Variants in PCM1 observed in about 807,000 individuals in gnomAD.
PCM1 encodes the protein pericentriolar material 1.
Under a neutral mutation model 241.9 loss-of-function variants are expected in PCM1, and 157 were observed. The observed-to-expected ratio is 0.65, with a 90% CI of 0.57 to 0.74. The LOEUF (loss-of-function observed/expected upper bound fraction) is 0.74, where lower values mean the gene tolerates loss of function less well. PCM1 is among the 30% of genes least tolerant of loss of function. The probability of loss-of-function intolerance (pLI) is 0.00; values close to 1 mark genes in which losing one functional copy is unlikely to be tolerated. For synonymous variants in PCM1, 1,085 were observed against 784.9 expected (o/e 1.38, Z -6.39); for missense variants, 3,478 against 2,360.1 (o/e 1.47, Z -9.81).
At chr8:17,988,676 A>G (rs947291048) in intron 26 of PCM1, among the ~76,000 whole-genome samples, 2 of 151,966 alleles carry the variant, frequency 1.3e-5, no homozygotes, top group Non-Finnish European at 2.9e-5. Context: ...TTGTAAGACA[A>G]CTCAGTAAAA....
At chr8:18,002,072 T>TTC (rs2089787791) in intron 29 of PCM1, among the ~76,000 whole-genome samples, 1 of 69,080 alleles carries the variant, frequency 1.4e-5, no homozygotes, top group Non-Finnish European at 2.4e-5. Flanking sequence ...TTCTTTTTTT[T>TTC]TTTTTCTTTT....
intron 35 of PCM1, 114 bp from the exon 36 acceptor site, chr8:18,014,470 T>G (rs574103337): frequency 8.8e-6 from 7 of 795,858 alleles, no homozygotes; most frequent in East Asian, 6.1e-5. Context: ...CCTTTTCTTT[T>G]TGGTCTTAAA....
At chr8:18,022,474 T>C (rs897453348) in intron 36 of PCM1, among the ~76,000 whole-genome samples, 1 of 152,150 alleles carries the variant, frequency 6.6e-6, no homozygotes, top group African/African-American at 2.4e-5. Context: ...AATACCGAAA[T>C]CTACTCCCAC....
chr8:18,027,369 T>C (rs1588906691), intron 38 of PCM1, among the ~76,000 whole-genome samples: 1 of 152,190 alleles, frequency 6.6e-6, no homozygotes, highest in Admixed American at 6.5e-5. Context: ...TTGGTGTAGA[T>C]TTATTCTATT....
chr8:17,974,676 C>T (rs1322927064), intron 23 of PCM1, among the ~76,000 whole-genome samples: 4 of 152,136 alleles, frequency 2.6e-5, no homozygotes, highest in Non-Finnish European at 4.4e-5. Context: ...CCTTTATTCT[C>T]GGGAATTACT....
chr8:18,024,558 C>G (rs2094015838), intron 36 of PCM1, among the ~76,000 whole-genome samples: 1 of 152,090 alleles, frequency 6.6e-6, no homozygotes, highest in African/African-American at 2.4e-5. Context: ...TGATCATTGT[C>G]TAGTTGCCAT....
intron 16 of PCM1, among the ~76,000 whole-genome samples, chr8:17,962,701 C>G (rs1009373827): frequency 2.6e-5 from 4 of 151,956 alleles, no homozygotes; most frequent in African/African-American, 4.8e-5. Flanking sequence ...GTATTCAAGA[C>G]CAGCCTGGTC....
At position 17,937,249 on chromosome 8, in the gene PCM1, G is replaced by C. The variant is rs553271966; in HGVS notation, c.212G>C (p.Gly71Ala). 2 of 1,611,322 alleles carry C rather than the reference G, an allele frequency of 1.2e-6. No individual in the cohort carries two copies. The highest frequency in any genetic ancestry group is 2.2e-5 in the South Asian group (2 of 90,620). Residue 71 changes from glycine to alanine, a missense_variant, in exon 4 of 39, where the codon GGA (glycine) becomes GCA (alanine). Coordinates refer to ENST00000325083, the MANE Select transcript of PCM1 (RefSeq NM_006197.4). ...TNDISPESSP[G>A]VGRRRTKTPH... ...GATATTTCTCCGGAGTCGTCACCAG[G>C]AGTTGGAAGGCGAAGAACAAAGACT...
Position 17,937,289 on chromosome 8 carries a change from A to G in PCM1, c.252A>G (p.Pro84=). 2 of 1,610,492 alleles carry G rather than the reference A, an allele frequency of 1.2e-6. No homozygotes were observed. Among genetic ancestry groups the G allele is most frequent in the South Asian group, 1.1e-5 (1 of 90,586 alleles). ...GAACAAAGACTCCACATACGTTCCC[A>G]CACAGTAGATACATGAGTCAGATGT... ...RRRTKTPHTF[P]HSRYMSQMSV... The change falls in exon 4 of 39, where the codon CCA becomes CCG. Residue 84 remains proline (P), a synonymous_variant. Coordinates refer to ENST00000325083, the MANE Select transcript of PCM1 (RefSeq NM_006197.4).
chr8:18,023,619 A>T (rs1472565173), intron 36 of PCM1, among the ~76,000 whole-genome samples: 1 of 152,048 alleles, frequency 6.6e-6, no homozygotes, highest in East Asian at 1.9e-4. Flanking sequence ...ATAAATCAGA[A>T]TTTTTTTTAT....
intron 24 of PCM1, among the ~76,000 whole-genome samples, chr8:17,982,874 A>T (rs993755961): frequency 5.3e-5 from 8 of 152,112 alleles, no homozygotes; most frequent in Non-Finnish European, 1.2e-4. Context: ...TTGTAACTGT[A>T]CTCATAACAT....
rs1482525860 is a variant in PCM1 at position 17,989,970 on chromosome 8, G to C, written c.4522G>C (p.Asp1508His). ...ATCAAATTTTGAGCCTTTTGCAACA[G>C]ATGATCTAGGTAAGCAGAATTGTTT... The part of the protein sequence containing the change: ...VSSNFEPFAT[D>H]DLGNTVIHLD... The change falls in exon 27 of 39, where the codon GAT becomes CAT. Residue 1508 changes from aspartate to histidine, a missense_variant. Transcript: ENST00000325083. 2.0e-6 allele frequency: 3 copies of C among 1,532,730 alleles called. No individual in the cohort carries two copies. The Admixed American group carries it at 6.2e-5, about 32-fold the overall frequency. The allele number at this position is 1,532,730 out of a possible 1,614,324, so 94.9% of individuals were successfully genotyped here. A position where few individuals can be genotyped will look rare whatever the true frequency, so the allele number is the denominator to read the frequency against.
chr8:18,019,064 T>G (rs62498202), intron 36 of PCM1, among the ~76,000 whole-genome samples: 69,853 of 151,184 alleles, frequency 0.46, 17,676 homozygotes, highest in Middle Eastern at 0.59. Context: ...CAGTGTAATC[T>G]TTCTTTCCTC....
At chr8:17,966,590 T>C (rs2129469740) in intron 20 of PCM1, 117 bp downstream of exon 20, 2 of 807,806 alleles carry the variant, frequency 2.5e-6, no homozygotes, top group East Asian at 5.3e-5. Context: ...ACATTCTCTT[T>C]CCCTTGAGAA....
Position 17,948,858 on chromosome 8 carries a change from T to A in PCM1, c.961+1495T>A, listed in dbSNP as rs528282759. Among the ~76,000 whole-genome samples, 10 of 152,350 alleles carry A rather than the reference T, an allele frequency of 6.6e-5. No individual in the cohort carries two copies. In the South Asian group the frequency reaches 1.2e-3, roughly 19 times the overall value. On this transcript the variant is annotated intron_variant, in intron 7 of 38. Coordinates refer to ENST00000325083, the MANE Select transcript of PCM1 (RefSeq NM_006197.4). ...AGATTTAAAAGCTTTCCTTTGGTAG[T>A]TAATATTAATCTCTAAACTTGCATA... is the stretch of plus-strand genomic sequence containing the variant.
At chr8:18,003,641 A>G (rs1209672836) in intron 29 of PCM1, among the ~76,000 whole-genome samples, 1 of 152,144 alleles carries the variant, frequency 6.6e-6, no homozygotes, top group African/African-American at 2.4e-5. Flanking sequence ...ATAGTATCTC[A>G]TAGTACCTAC....
intron 6 of PCM1, among the ~76,000 whole-genome samples, chr8:17,943,783 G>C (rs947375436): frequency 2.0e-5 from 3 of 152,022 alleles, no homozygotes; most frequent in Non-Finnish European, 2.9e-5. Context: ...TGCAGGAACT[G>C]TCATTCTTAC....
intron 17 of PCM1, 134 bp downstream of exon 17, chr8:17,963,425 A>T: frequency 1.7e-6 from 1 of 573,200 alleles, no homozygotes; most frequent in Non-Finnish European, 3.0e-6. Context: ...TTTAACTACC[A>T]CCTTTGTGAC....
chr8:17,972,204 CATTTTT>C lies in PCM1; in HGVS notation c.3585-122_3585-117del. The C allele has an allele frequency of 9.8e-6, 5 of 511,504 alleles. No homozygotes were observed. The South Asian group carries it at 2.8e-4, about 28-fold the overall frequency. The allele number at this position is 511,504 out of a possible 1,614,324, so 31.7% of individuals were successfully genotyped here. On this transcript the variant is annotated intron_variant, in intron 22 of 38. Coordinates refer to ENST00000325083, the MANE Select transcript of PCM1 (RefSeq NM_006197.4). ...TATTTAATGTGTATTTTTGTGAAAA[CATTTTT>C]ATAGCCTGTTGACAATTTTATTCAC...
Sources: gnomAD v4.1 joint callset for allele counts (sites outside exome capture counted in the v4.1 genomes callset) on GRCh38, gnomAD v4.1.1 for gene constraint, MANE v1.5 for transcripts, NCBI Gene and HGNC (gene_info 2026-07-23, HGNC 2026-07-21) for gene names.